The following SERPINB4 variants were observed in gnomAD, a reference collection of about 807,000 sequenced individuals.
SERPINB4 encodes the protein serpin family B member 4.
A neutral mutation model predicts 33.2 loss-of-function variants in SERPINB4; 39 were observed. That is an observed-to-expected ratio of 1.18 (90% CI 0.91 to 1.53). The LOEUF is 1.53. Ranked by LOEUF, SERPINB4 falls within the 40% of genes most tolerant of loss-of-function variation. SERPINB4 has a pLI of 0.00. For missense variants in SERPINB4, 564 were observed against 455.4 expected (o/e 1.24, Z -2.17); for synonymous variants, 191 against 166.4 (o/e 1.15, Z -1.14).
chr18:63,638,647 G>A (rs1455351708), intron 7 of SERPINB4, among the ~76,000 whole-genome samples: 2 of 151,638 alleles, frequency 1.3e-5, no homozygotes, highest in African/African-American at 2.4e-5. Context: ...TCCCAGTCAA[G>A]TTTAAATTGC....
intron 1 of SERPINB4, 60 bp from the exon 2 acceptor site, chr18:63,643,663 T>C: frequency 6.6e-7 from 1 of 1,507,966 alleles, no homozygotes; most frequent in South Asian, 1.3e-5. Flanking sequence ...TATTTTGTAG[T>C]ACAATTTTCT....
At chr18:63,640,262 G>T (rs963018734) in intron 5 of SERPINB4, among the ~76,000 whole-genome samples, 4 of 151,918 alleles carry the variant, frequency 2.6e-5, no homozygotes, top group African/African-American at 7.3e-5. Flanking sequence ...TACTTCCGGG[G>T]GTATCTTCCT....
rs1179415513 is a variant in SERPINB4 at position 63,641,975 on chromosome 18, A to T, written c.223-87T>A. 7 of 1,575,082 alleles carry T rather than the reference A, an allele frequency of 4.4e-6. No homozygotes were observed. In the African/African-American group the frequency reaches 6.8e-5, roughly 15 times the overall value. On this transcript the variant is annotated intron_variant, in intron 3 of 7. Coordinates refer to ENST00000341074, the MANE Select transcript of SERPINB4 (RefSeq NM_002974.4). ...CTAAGTCTGTTAGATCAGTCCCTAA[A>T]TGCTGGTAGTCTCATTGAGGACCTT...
At chr18:63,638,632 A>G (rs941817804) in intron 7 of SERPINB4, among the ~76,000 whole-genome samples, 1 of 151,808 alleles carries the variant, frequency 6.6e-6, no homozygotes, top group Non-Finnish European at 1.5e-5. Context: ...ATTGGTATAT[A>G]TTTCTCCCAG....
Position 63,640,856 on chromosome 18 carries a change from A to G in SERPINB4, c.469+18T>C, listed in dbSNP as rs1284694115. 6.3e-7 allele frequency: 1 copy of G among 1,596,910 alleles called. No individual in the cohort carries two copies. The highest frequency in any genetic ancestry group is 8.6e-7 in the Non-Finnish European group (1 of 1,165,968). On this transcript the variant is annotated intron_variant, in intron 5 of 7. Transcript: ENST00000341074. ...ATAGGTTTCTCAAAGGTGTTTCTATAATGGGTGGCTCTCCTACCATTCGTT... is the reference window on the plus strand; with the variant it reads ...ATAGGTTTCTCAAAGGTGTTTCTATGATGGGTGGCTCTCCTACCATTCGTT...
Position 63,638,113 on chromosome 18 carries a change from T to A in SERPINB4, c.779A>T (p.Lys260Ile). Residue 260 changes from lysine to isoleucine, a missense_variant, in exon 8 of 8, where the codon AAA (lysine) becomes ATA (isoleucine). Physicochemically the swap from Lys to Ile is moderately radical, Grantham distance 102. Coordinates refer to ENST00000341074, the MANE Select transcript of SERPINB4 (RefSeq NM_002974.4). ...EIDGLQKLEE[K>I]LTAEKLMEWT... The stretch of plus-strand genomic sequence containing the variant: ...TTCCATCAATTTCTCAGCAGTGAGT[T>A]TCTCTTCAAGCTATACAAATGGAAA... 1 of 1,612,930 alleles carries A rather than the reference T, an allele frequency of 6.2e-7. No homozygotes were observed. Among genetic ancestry groups the A allele is most frequent in the Non-Finnish European group, 8.5e-7 (1 of 1,179,380 alleles).
chr18:63,639,378 A>G (rs1477613477), intron 6 of SERPINB4, 38 bp from the exon 7 acceptor site: 3 of 1,557,566 alleles, frequency 1.9e-6, no homozygotes, highest in Non-Finnish European at 2.6e-6. Flanking sequence ...TAACACGTGA[A>G]ACACAAGACA....
At position 63,643,395 on chromosome 18, in the gene SERPINB4, A is replaced by G. The variant is rs762604117; in HGVS notation, c.165+18T>C. On this transcript the variant is annotated intron_variant, in intron 2 of 7. Transcript: ENST00000341074. ...GAGAAAAACTGCAACAGGACAACGT[A>G]ATGATGCTGATAGCTACCTTGCTAA... 22 of 1,613,448 alleles carry G rather than the reference A, an allele frequency of 1.4e-5. No individual in the cohort carries two copies. The Admixed American group carries it at 1.5e-4, about 11-fold the overall frequency.
intron 2 of SERPINB4, 75 bp from the exon 3 acceptor site, chr18:63,643,292 G>C: frequency 5.0e-6 from 8 of 1,611,964 alleles, no homozygotes; most frequent in Non-Finnish European, 6.8e-6. Flanking sequence ...CACAGTTATG[G>C]GAATTCCTGC....
Position 63,639,682 on chromosome 18 carries a change from A to C in SERPINB4, c.564T>G (p.Asn188Lys), listed in dbSNP as rs145409796. 75 of 1,611,224 alleles carry C rather than the reference A, an allele frequency of 4.7e-5. No homozygotes were observed. Among genetic ancestry groups the C allele is most frequent in the African/African-American group, 2.4e-4 (18 of 74,802 alleles). ...CTTTAGTGTTTTCTTTTTTAAATTT[A>C]TTCTCCCACTGCCCTTTGAAATAGA... ...NAIYFKGQWE[N>K]KFKKENTKEE... Residue 188 changes from asparagine (N) to lysine (K), a missense_variant, in exon 6 of 8, where the codon AAT becomes AAG. Transcript: ENST00000341074.
At chr18:63,642,451 C>A (rs181137412) in intron 3 of SERPINB4, among the ~76,000 whole-genome samples, 125 of 152,044 alleles carry the variant, frequency 8.2e-4, no homozygotes, top group African/African-American at 2.9e-3. Flanking sequence ...GTCTTTAGTT[C>A]AATTCAGATG....
At chr18:63,643,359 C>T (rs547437880) in intron 2 of SERPINB4, 54 bp downstream of exon 2, 244 of 1,611,248 alleles carry the variant, frequency 1.5e-4, no homozygotes, top group African/African-American at 3.6e-4. Context: ...GCGTGCTAGC[C>T]GACGGAACCA....
Position 63,638,116 on chromosome 18 carries a change from T to C in SERPINB4, c.776A>G (p.Glu259Gly). The C allele has an allele frequency of 6.2e-7, 1 of 1,612,644 alleles. No homozygotes were observed. The highest frequency in any genetic ancestry group is 8.5e-7 in the Non-Finnish European group (1 of 1,179,194). The change falls in exon 8 of 8, where the codon GAG (glutamate) becomes GGG (glycine). Residue 259 changes from glutamate to glycine, a missense_variant. Glu to Gly is a moderately conservative substitution (Grantham distance 98). Coordinates refer to ENST00000341074, the MANE Select transcript of SERPINB4 (RefSeq NM_002974.4). ...CATCAATTTCTCAGCAGTGAGTTTC[T>C]CTTCAAGCTATACAAATGGAAAAAA... ...NEIDGLQKLEEKLTAEKLMEW... is the reference protein window; with the variant it reads ...NEIDGLQKLEGKLTAEKLMEW...
chr18:63,639,447 G>A, intron 6 of SERPINB4, 107 bp from the exon 7 acceptor site: 3 of 1,202,416 alleles, frequency 2.5e-6, no homozygotes, highest in Non-Finnish European at 3.4e-6. Context: ...AATAACCCAG[G>A]AATTCCATGA....
intron 5 of SERPINB4, among the ~76,000 whole-genome samples, chr18:63,640,208 T>G (rs1384332580): frequency 6.6e-6 from 1 of 152,046 alleles, no homozygotes; most frequent in East Asian, 1.9e-4. Flanking sequence ...GATGAGTGAC[T>G]TGAGCTCTGT....
chr18:63,639,577 T>C, intron 6 of SERPINB4, 57 bp downstream of exon 6: 2 of 1,211,112 alleles, frequency 1.7e-6, no homozygotes, highest in Non-Finnish European at 2.4e-6. Context: ...CCATCAGAAA[T>C]GTTTAACATT....
At chr18:63,642,096 A>T (rs1255640178) in intron 3 of SERPINB4, among the ~76,000 whole-genome samples, 1 of 152,040 alleles carries the variant, frequency 6.6e-6, no homozygotes, top group Non-Finnish European at 1.5e-5. Context: ...TCTTGCTCTA[A>T]CGTACTGCAA....
intron 3 of SERPINB4, among the ~76,000 whole-genome samples, 175 bp from the exon 4 acceptor site, chr18:63,642,063 T>C (rs1003866110): frequency 4.6e-5 from 7 of 152,084 alleles, no homozygotes. Context: ...CCACCTTATA[T>C]TTGACTTCTT....
intron 2 of SERPINB4, 26 bp downstream of exon 2, chr18:63,643,387 G>T (rs376588554): frequency 1.2e-6 from 2 of 1,613,226 alleles, no homozygotes; most frequent in Non-Finnish European, 1.7e-6. Context: ...ACTGCAACAG[G>T]ACAACGTAAT....
Sources: gnomAD v4.1 joint callset for allele counts (sites outside exome capture counted in the v4.1 genomes callset) on GRCh38, gnomAD v4.1.1 for gene constraint, MANE v1.5 for transcripts, NCBI Gene and HGNC (gene_info 2026-07-23, HGNC 2026-07-21) for gene names.